The following INO80 variants were observed in gnomAD, a reference collection of about 807,000 sequenced individuals.
The protein encoded by INO80 is INO80 complex ATPase subunit, also known as chromatin-remodeling ATPase INO80.
INO80 carries 20 observed loss-of-function variants against 203.4 expected under a neutral mutation model. That is an observed-to-expected ratio of 0.10 (90% CI 0.07 to 0.14). The LOEUF is 0.14. Among genes scored for constraint, INO80 ranks in the 10% least tolerant of loss-of-function variants. INO80 has a pLI of 1.00. For missense variants in INO80, 1,419 were observed against 1,914.4 expected (o/e 0.74, Z 4.83); for synonymous variants, 726 against 685.2 (o/e 1.06, Z -0.93).
intron 26 of INO80, chr15:41,018,005 C>A (rs1408192174): frequency 6.6e-6 from 1 of 152,140 alleles, no homozygotes; most frequent in Non-Finnish European, 1.5e-5. Context: ...ACCACAATTA[C>A]CCTTCTCCAG....
intron 31 of INO80, among the ~76,000 whole-genome samples, chr15:40,986,042 AACTT>A (rs2043728394): frequency 6.6e-6 from 1 of 152,262 alleles, no homozygotes; most frequent in Admixed American, 6.5e-5. Context: ...GGCAAATGTG[AACTT>A]ACTTTCTGCT....
intron 27 of INO80, among the ~76,000 whole-genome samples, chr15:41,013,581 T>G (rs2044162004): frequency 6.6e-6 from 1 of 152,238 alleles, no homozygotes; most frequent in Non-Finnish European, 1.5e-5. Context: ...TTGGGCATTG[T>G]AATTCCATGC....
At chr15:41,065,587 A>G (rs1364325889) in intron 14 of INO80, among the ~76,000 whole-genome samples, 1 of 152,236 alleles carries the variant, frequency 6.6e-6, no homozygotes, top group Non-Finnish European at 1.5e-5. Context: ...AGGAATGTTC[A>G]TAGCAGTACT....
chr15:40,983,736 A>C lies in INO80; in HGVS notation c.4237+26T>G, dbSNP rs1019517497. 12 of 1,608,890 alleles carry C rather than the reference A, an allele frequency of 7.5e-6. No individual in the cohort carries two copies. The African/African-American group carries it at 1.5e-4, about 20-fold the overall frequency. ...CAGTGCTGGGCAGTGGACCAGGCCC[A>C]AGCTGTACAAGACAGCAGCAATTAC... On this transcript the variant is annotated intron_variant, in intron 34 of 35. Transcript: ENST00000648947.
In INO80 at chr15:41,048,228, A is replaced by G; in HGVS notation, c.2625T>C (p.Ser875=). The change falls in exon 22 of 36, where the codon TCT becomes TCC. Residue 875 remains serine (S), a synonymous_variant. Transcript: ENST00000648947. ...SPFAPDYIQR[S]LFHRKGINEE... ...AACACCTACCTTTTCTGTGAAAGAGAGACCGTTGGATATAGTCTGGTGCAA... is the reference window on the plus strand; with the variant it reads ...AACACCTACCTTTTCTGTGAAAGAGGGACCGTTGGATATAGTCTGGTGCAA... The G allele has an allele frequency of 6.2e-7, 1 of 1,613,172 alleles. No individual in the cohort carries two copies. The highest frequency in any genetic ancestry group is 8.5e-7 in the Non-Finnish European group (1 of 1,179,300).
chr15:41,094,385 C>T (rs768994093), intron 4 of INO80, among the ~76,000 whole-genome samples: 1 of 152,090 alleles, frequency 6.6e-6, no homozygotes, highest in African/African-American at 2.4e-5. Context: ...TCCTTCTGAC[C>T]GAAATGCCGT....
At chr15:41,048,125 C>A in intron 22 of INO80, 87 bp downstream of exon 22, 1 of 987,114 alleles carries the variant, frequency 1.0e-6, no homozygotes, top group Non-Finnish European at 1.6e-6. Flanking sequence ...AAAACTAATA[C>A]TCGTTCTAAA....
intron 1 of INO80, among the ~76,000 whole-genome samples, chr15:41,096,831 G>T (rs2045732170): frequency 6.6e-6 from 1 of 152,106 alleles, no homozygotes; most frequent in Admixed American, 6.6e-5. Flanking sequence ...TATATGTAAG[G>T]TATCTTATTT....
intron 30 of INO80, 25 bp from the exon 31 acceptor site, chr15:40,987,218 C>T (rs1305597229): frequency 7.5e-7 from 1 of 1,341,172 alleles, no homozygotes; most frequent in Admixed American, 1.7e-5. Flanking sequence ...ATCAAAATGT[C>T]ACCTCCAGGC....
At chr15:41,021,420 T>C (rs967399563) in intron 25 of INO80, among the ~76,000 whole-genome samples, 1 of 152,224 alleles carries the variant, frequency 6.6e-6, no homozygotes. Context: ...TATGCATATA[T>C]ATCTGATCAT....
intron 16 of INO80, among the ~76,000 whole-genome samples, chr15:41,057,507 G>A: frequency 6.7e-6 from 1 of 150,154 alleles, no homozygotes. Flanking sequence ...ACCTTTCTGA[G>A]GATAGAAAGT....
At chr15:41,108,660 T>G (rs1049114116) in intron 1 of INO80, among the ~76,000 whole-genome samples, 1 of 151,748 alleles carries the variant, frequency 6.6e-6, no homozygotes, top group Non-Finnish European at 1.5e-5. Flanking sequence ...CTACTCACTC[T>G]GGGTCTCACT....
At chr15:41,023,768 C>CAAAAAAAA (rs139814568) in intron 25 of INO80, among the ~76,000 whole-genome samples, 5 of 63,482 alleles carry the variant, frequency 7.9e-5, no homozygotes, top group African/African-American at 2.4e-4. Context: ...GACTCTGTCT[C>CAAAAAAAA]AAAAAAAAAA....
chr15:41,060,527 C>T (rs2045084568), intron 14 of INO80, among the ~76,000 whole-genome samples: 1 of 151,272 alleles, frequency 6.6e-6, no homozygotes, highest in South Asian at 2.1e-4. Flanking sequence ...GCACTCCAGC[C>T]TGGGGGACAA....
Position 41,096,222 on chromosome 15 carries a change from C to A in INO80, c.89G>T (p.Arg30Leu). The part of the protein sequence containing the change: ...LYLQYLERAL[R>L]LDHFLRQTSA... ...CGTTTGTCGCAGAAAATGGTCCAAC[C>A]GGAGGGCCCTCTCCAAGTACTGAAG... The change falls in exon 2 of 36, where the codon CGG (arginine) becomes CTG (leucine). Residue 30 changes from arginine to leucine, a missense_variant. Arg to Leu is a moderately radical substitution (Grantham distance 102). Around this residue, in one of 9 missense-constraint regions of INO80, gnomAD observed 323 missense variants for 325.4 expected, o/e 0.99. Coordinates refer to ENST00000648947, the MANE Select transcript of INO80 (RefSeq NM_017553.3). 1 of 1,613,220 alleles carries A rather than the reference C, an allele frequency of 6.2e-7. No homozygotes were observed. The highest frequency in any genetic ancestry group is 1.1e-5 in the South Asian group (1 of 90,908).
intron 16 of INO80, 128 bp downstream of exon 16, chr15:41,058,511 T>TA: frequency 3.3e-6 from 3 of 909,364 alleles, no homozygotes; most frequent in Admixed American, 3.4e-5. Context: ...AAAAATTAAA[T>TA]AAAACTTCTC....
intron 24 of INO80, among the ~76,000 whole-genome samples, chr15:41,030,522 C>A (rs2044442809): frequency 6.6e-6 from 1 of 151,930 alleles, no homozygotes; most frequent in Non-Finnish European, 1.5e-5. Flanking sequence ...CACCACCACG[C>A]CTTTAATTTT....
Position 41,056,665 on chromosome 15 carries a change from C to A in INO80, c.2027G>T (p.Arg676Leu), listed in dbSNP as rs777370386. 7.4e-6 allele frequency: 12 copies of A among 1,614,088 alleles called. No homozygotes were observed. In the East Asian group the frequency reaches 2.7e-4, roughly 36 times the overall value. Residue 676 changes from arginine to leucine, a missense_variant, in exon 17 of 36, where the codon CGG becomes CTG. Arg to Leu is a moderately radical substitution (Grantham distance 102). Transcript: ENST00000648947. ...AATTGGGGTCCCGGTTAGCAAAAGC[C>A]GATTCCGACACTGGAACTGTAAGAG... is the stretch of plus-strand genomic sequence containing the variant. ...KILLQFQCRNRLLLTGTPIQN... is the reference protein window; with the variant it reads ...KILLQFQCRNLLLLTGTPIQN...
At chr15:40,999,976 T>G (rs1268991440) in intron 28 of INO80, among the ~76,000 whole-genome samples, 2 of 152,142 alleles carry the variant, frequency 1.3e-5, no homozygotes, top group Non-Finnish European at 2.9e-5. Context: ...CACACACCTG[T>G]AGACCCAGCT....
Sources: gnomAD v4.1 joint callset for allele counts (sites outside exome capture counted in the v4.1 genomes callset) on GRCh38, gnomAD v4.1.1 for gene constraint, gnomAD v4.1.1 regional missense constraint, MANE v1.5 for transcripts, NCBI Gene and HGNC (gene_info 2026-07-23, HGNC 2026-07-21) for gene names.